The following ARHGAP26 variants were observed in gnomAD, a reference collection of about 807,000 sequenced individuals.
The protein encoded by ARHGAP26 is Rho GTPase activating protein 26.
ARHGAP26 carries 38 observed loss-of-function variants against 104.8 expected under a neutral mutation model. The observed-to-expected ratio is 0.36, with a 90% confidence interval of 0.28 to 0.48. The LOEUF is 0.48. Ranked by LOEUF, ARHGAP26 falls within the 20% of genes least tolerant of loss-of-function variation. ARHGAP26 has a pLI of 0.99. For missense variants in ARHGAP26, 704 were observed against 947.9 expected (o/e 0.74, Z 3.38); for synonymous variants, 341 against 340.0 (o/e 1.00, Z -0.03).
chr5:143,184,661 A>G (rs1347266808), intron 20 of ARHGAP26, among the ~76,000 whole-genome samples: 3 of 152,196 alleles, frequency 2.0e-5, no homozygotes, highest in Non-Finnish European at 4.4e-5. Flanking sequence ...GAAACACTGC[A>G]GTGGTTCAGA....
At chr5:142,781,570 G>A (rs1246939391) in intron 1 of ARHGAP26, among the ~76,000 whole-genome samples, 1 of 152,184 alleles carries the variant, frequency 6.6e-6, no homozygotes, top group Admixed American at 6.5e-5. Context: ...GGGGAGCAAT[G>A]CACTCCTTAG....
intron 1 of ARHGAP26, among the ~76,000 whole-genome samples, chr5:142,822,644 G>A (rs1057311325): frequency 4.6e-5 from 7 of 151,672 alleles, no homozygotes; most frequent in African/African-American, 1.7e-4. Flanking sequence ...ATCTCACCAT[G>A]TGTGTGTATG....
intron 1 of ARHGAP26, among the ~76,000 whole-genome samples, chr5:142,840,399 A>G (rs1770521724): frequency 1.3e-5 from 2 of 152,178 alleles, no homozygotes; most frequent in Admixed American, 6.5e-5. Flanking sequence ...GTCTTTGTCC[A>G]GAATCTTAGG....
At chr5:142,771,926 T>C (rs533614363) in intron 1 of ARHGAP26, among the ~76,000 whole-genome samples, 1 of 152,322 alleles carries the variant, frequency 6.6e-6, no homozygotes, top group South Asian at 2.1e-4. Context: ...CTTTTCAGTC[T>C]CCCCATTTAA....
intron 1 of ARHGAP26, among the ~76,000 whole-genome samples, chr5:142,800,575 C>G (rs1211101371): frequency 1.3e-5 from 2 of 152,178 alleles, no homozygotes; most frequent in East Asian, 3.8e-4. Flanking sequence ...GTTGGTCAGG[C>G]TGGTCTCTAA....
intron 10 of ARHGAP26, among the ~76,000 whole-genome samples, chr5:142,923,499 G>T (rs955220832): frequency 6.6e-6 from 1 of 152,108 alleles, no homozygotes; most frequent in African/African-American, 2.4e-5. Flanking sequence ...TTCTCCTTGA[G>T]TCTCACTCAT....
At chr5:143,165,053 A>C (rs993851104) in intron 20 of ARHGAP26, 1 of 152,254 alleles carries the variant, frequency 6.6e-6, no homozygotes, top group Admixed American at 6.5e-5. Flanking sequence ...AGAGAAAGAA[A>C]ACACCATCTC....
At chr5:143,050,811 G>C (rs1784899630) in intron 14 of ARHGAP26, among the ~76,000 whole-genome samples, 2 of 152,132 alleles carry the variant, frequency 1.3e-5, no homozygotes, top group Admixed American at 1.3e-4. Flanking sequence ...TGATCATTCT[G>C]GGAGCTAGCA....
At chr5:142,976,152 A>G (rs186737250) in intron 11 of ARHGAP26, among the ~76,000 whole-genome samples, 322 of 152,338 alleles carry the variant, frequency 2.1e-3, no homozygotes, top group African/African-American at 7.6e-3. Context: ...ATCATATTCT[A>G]TTTCACTTCA....
At chr5:143,166,080 C>T in intron 20 of ARHGAP26, 1 of 1,319,462 alleles carries the variant, frequency 7.6e-7, no homozygotes, top group Non-Finnish European at 1.0e-6. Flanking sequence ...CAGAGTCCTG[C>T]TTCGTGATGG....
intron 1 of ARHGAP26, among the ~76,000 whole-genome samples, chr5:142,853,660 G>A (rs753954440): frequency 8.5e-5 from 13 of 152,186 alleles, no homozygotes; most frequent in Non-Finnish European, 1.6e-4. Flanking sequence ...GCACTTGGGG[G>A]CTAGCACAGA....
chr5:142,894,103 A>C (rs1759126339), intron 5 of ARHGAP26, 135 bp from the exon 6 acceptor site: 2 of 622,004 alleles, frequency 3.2e-6, no homozygotes, highest in Non-Finnish European at 2.9e-6. Context: ...TACTATAGTT[A>C]TTCTTCTTCT....
chr5:143,094,384 C>T (rs1451043622), intron 17 of ARHGAP26, among the ~76,000 whole-genome samples: 5 of 152,172 alleles, frequency 3.3e-5, no homozygotes, highest in Non-Finnish European at 5.9e-5. Context: ...GGTTATTCCT[C>T]GCACTGGGTG....
At position 143,224,139 on chromosome 5, in the gene ARHGAP26, TAG is replaced by T. The variant is rs1449410191; in HGVS notation, c.*1696_*1697del. ...TTTTTTGAAAAGATAAACTTGTAAA[TAG>T]AGTGATTTGAAATACTATATGGCAA... On this transcript the variant is annotated 3_prime_UTR_variant, in exon 23 of 23. Transcript: ENST00000645722. 44 of 228,946 alleles carry T rather than the reference TAG, an allele frequency of 1.9e-4. 1 individual carries two copies. Among genetic ancestry groups the T allele is most frequent in the Middle Eastern group, 2.6e-3 (2 of 764 alleles). 14.2% of individuals were successfully genotyped at this position (228,946 alleles called of 1,614,324 possible). A position where few individuals can be genotyped will look rare whatever the true frequency, so the allele number is the denominator to read the frequency against.
intron 11 of ARHGAP26, among the ~76,000 whole-genome samples, chr5:142,978,452 A>G (rs559761806): frequency 4.6e-5 from 7 of 152,294 alleles, no homozygotes; most frequent in South Asian, 4.1e-4. Flanking sequence ...GACATAACCA[A>G]TCTGAAACTG....
chr5:142,860,793 G>T (rs1597955679), intron 1 of ARHGAP26, among the ~76,000 whole-genome samples: 1 of 152,154 alleles, frequency 6.6e-6, no homozygotes, highest in African/African-American at 2.4e-5. Context: ...AGAAGATCCG[G>T]CTTGCTCTGT....
At chr5:142,898,461 A>G (rs1430571076) in intron 6 of ARHGAP26, among the ~76,000 whole-genome samples, 1 of 152,066 alleles carries the variant, frequency 6.6e-6, no homozygotes, top group East Asian at 1.9e-4. Context: ...TTCCATCCTG[A>G]ATATTTCTTG....
chr5:143,195,396 A>G (rs1269566354), intron 20 of ARHGAP26, among the ~76,000 whole-genome samples: 1 of 152,156 alleles, frequency 6.6e-6, no homozygotes, highest in African/African-American at 2.4e-5. Context: ...GGACATTTAG[A>G]TTCTTATTAA....
intron 1 of ARHGAP26, among the ~76,000 whole-genome samples, chr5:142,852,204 G>T (rs1208884946): frequency 6.6e-6 from 1 of 152,268 alleles, no homozygotes; most frequent in Non-Finnish European, 1.5e-5. Flanking sequence ...AGTTTGGCCT[G>T]CAGGGCCTCT....
Sources: gnomAD v4.1 joint callset for allele counts (sites outside exome capture counted in the v4.1 genomes callset) on GRCh38, gnomAD v4.1.1 for gene constraint, MANE v1.5 for transcripts, NCBI Gene and HGNC (gene_info 2026-07-23, HGNC 2026-07-21) for gene names.